Variants in GNG2 observed in about 807,000 individuals in gnomAD.
The protein encoded by GNG2 is G protein subunit gamma 2.
Under a neutral mutation model 5.5 loss-of-function variants are expected in GNG2, and 5 were observed. The observed-to-expected ratio is 0.91, with a 90% CI of 0.48 to 1.92. The LOEUF (loss-of-function observed/expected upper bound fraction) is 1.92. Ranked by LOEUF, GNG2 falls within the 30% of genes most tolerant of loss-of-function variation. The pLI is 0.01. For synonymous variants in GNG2, 28 were observed against 32.0 expected (o/e 0.88, Z 0.42); for missense variants, 55 against 88.4 (o/e 0.62, Z 1.52).
chr14:51,944,850 T>C (rs1888548920), intron 2 of GNG2, among the ~76,000 whole-genome samples: 1 of 152,100 alleles, frequency 6.6e-6, no homozygotes, highest in African/African-American at 2.4e-5. Context: ...GAAAAGACAG[T>C]CCACAGAATA....
At chr14:51,913,673 G>A (rs2044480472) in intron 2 of GNG2, among the ~76,000 whole-genome samples, 1 of 152,188 alleles carries the variant, frequency 6.6e-6, no homozygotes, top group African/African-American at 2.4e-5. Flanking sequence ...TCTAGAGGTT[G>A]TATGGAGGAG....
intron 2 of GNG2, among the ~76,000 whole-genome samples, chr14:51,844,805 A>T (rs946108894): frequency 2.0e-5 from 3 of 152,122 alleles, no homozygotes; most frequent in Admixed American, 6.5e-5. Flanking sequence ...GGCTCACTGC[A>T]ACCTCTGCCT....
chr14:51,959,258 A>G (rs1889453553), intron 3 of GNG2, among the ~76,000 whole-genome samples: 1 of 152,122 alleles, frequency 6.6e-6, no homozygotes, highest in South Asian at 2.1e-4. Context: ...CCGATTATTT[A>G]TCTCAAACTC....
At position 51,969,424 on chromosome 14, in the gene GNG2, A is replaced by G. The variant is rs1890099872; in HGVS notation, c.*2737A>G. The G allele has an allele frequency of 6.6e-6, 1 of 152,202 alleles. No homozygotes were observed. Among genetic ancestry groups the G allele is most frequent in the Admixed American group, 6.6e-5 (1 of 15,266 alleles). The allele number at this position is 152,202 out of a possible 1,614,324, so 9.4% of individuals were successfully genotyped here. A position where few individuals can be genotyped will look rare whatever the true frequency, so the allele number is the denominator to read the frequency against. On this transcript the variant is annotated 3_prime_UTR_variant, in exon 4 of 4. Transcript: ENST00000556766. ...TGATCTATGTTTGATTTTGCTAATAATATTTGAAGGAGATTGCCTACCAAG... is the reference window on the plus strand; with the variant it reads ...TGATCTATGTTTGATTTTGCTAATAGTATTTGAAGGAGATTGCCTACCAAG...
chr14:51,861,290 C>A (rs1821315889), intron 1 of GNG2: 1 of 152,058 alleles, frequency 6.6e-6, no homozygotes, highest in Non-Finnish European at 1.5e-5. Flanking sequence ...GCTTGAATTG[C>A]GTATGTGAGG....
At chr14:51,859,039 G>T (rs1218535814), upstream of GNG2, among the ~76,000 whole-genome samples, 1 of 152,164 alleles carries the variant, frequency 6.6e-6, no homozygotes, top group East Asian at 1.9e-4. Flanking sequence ...CGATGTGTTT[G>T]GAAGGCTCAA....
chr14:51,933,636 G>C (rs1338389235), intron 2 of GNG2, among the ~76,000 whole-genome samples: 2 of 152,172 alleles, frequency 1.3e-5, no homozygotes, highest in African/African-American at 4.8e-5. Context: ...GAGTCCTTTG[G>C]TGAGTGAAAG....
intron 2 of GNG2, among the ~76,000 whole-genome samples, chr14:51,832,137 G>A (rs546250191): frequency 6.4e-4 from 89 of 139,884 alleles, no homozygotes; most frequent in Non-Finnish European, 1.1e-3. Context: ...AAAATTAGTC[G>A]GGCATGGTGG....
At chr14:51,963,390 G>A (rs936062895) in intron 3 of GNG2, among the ~76,000 whole-genome samples, 25 of 152,202 alleles carry the variant, frequency 1.6e-4, no homozygotes, top group Admixed American at 1.0e-3. Context: ...GCTTCTCCTC[G>A]TAACAAATGA....
At chr14:51,931,854 C>G (rs2140245766) in intron 2 of GNG2, among the ~76,000 whole-genome samples, 1 of 152,248 alleles carries the variant, frequency 6.6e-6, no homozygotes, top group Non-Finnish European at 1.5e-5. Flanking sequence ...GAATTGAAAG[C>G]AGGATCTCAA....
In GNG2 at chr14:51,922,516, A is replaced by G. The variant is rs1020389511; in HGVS notation, c.-29-28134A>G. On this transcript the variant is annotated intron_variant, in intron 2 of 3. Transcript: ENST00000556766. ...CTCCCCTCTTAGCCCTGACAACCACACCCTGACCCCTACCCCTACCAGAGG... is the reference window on the plus strand; with the variant it reads ...CTCCCCTCTTAGCCCTGACAACCACGCCCTGACCCCTACCCCTACCAGAGG... Among the ~76,000 whole-genome samples the G allele has an allele frequency of 4.6e-5, 7 of 152,212 alleles. No individual in the cohort carries two copies. The East Asian group carries it at 1.2e-3, about 25-fold the overall frequency.
chr14:51,969,492 C>T lies in GNG2; in HGVS notation c.*2805C>T, dbSNP rs1321567090. On this transcript the variant is annotated 3_prime_UTR_variant, in exon 4 of 4. Coordinates refer to ENST00000556766, the MANE Select transcript of GNG2 (RefSeq NM_053064.5). ...AAAAATCAAACGATTTCTCCATACG[C>T]TCATAGTCACATATGGAATTTTGAG... is the stretch of plus-strand genomic sequence containing the variant. 6.6e-6 allele frequency: 1 copy of T among 152,202 alleles called. No individual in the cohort carries two copies. Among genetic ancestry groups the T allele is most frequent in the Non-Finnish European group, 1.5e-5 (1 of 68,040 alleles). 9.4% of individuals were successfully genotyped at this position (152,202 alleles called of 1,614,324 possible).
At chr14:51,921,692 G>C (rs1887023256) in intron 2 of GNG2, among the ~76,000 whole-genome samples, 8 of 152,310 alleles carry the variant, frequency 5.3e-5, no homozygotes, top group Middle Eastern at 6.8e-3. Context: ...GGACAACAAA[G>C]CAGGAGAAAT....
chr14:51,883,132 A>T (rs1884214498), intron 2 of GNG2, among the ~76,000 whole-genome samples: 1 of 152,222 alleles, frequency 6.6e-6, no homozygotes, highest in Non-Finnish European at 1.5e-5. Flanking sequence ...AGTCTCCTTA[A>T]GACATCCCCA....
intron 2 of GNG2, among the ~76,000 whole-genome samples, chr14:51,940,724 G>A (rs1888270991): frequency 6.6e-6 from 1 of 152,138 alleles, no homozygotes. Context: ...TTTAAAATCT[G>A]CTTAGTGACT....
rs1389830099 is a variant in GNG2, at chr14:51,919,750, G to C, written c.-29-30900G>C. 3.9e-5 allele frequency among the ~76,000 whole-genome samples: 6 copies of C among 152,292 alleles called. No individual in the cohort carries two copies. In the East Asian group the frequency reaches 1.2e-3, roughly 29 times the overall value. The stretch of plus-strand genomic sequence containing the variant: ...GGTCCAGTAACTGAATAAAGATAAT[G>C]AGCACTGAACAACAGATGTTTATCA... On this transcript the variant is annotated intron_variant, in intron 2 of 3. Coordinates refer to ENST00000556766, the MANE Select transcript of GNG2 (RefSeq NM_053064.5).
At chr14:51,963,952 T>C (rs550509673) in intron 3 of GNG2, among the ~76,000 whole-genome samples, 1 of 152,356 alleles carries the variant, frequency 6.6e-6, no homozygotes, top group Admixed American at 6.5e-5. Context: ...GGTTGACTAG[T>C]GTCCCCTAAA....
At chr14:51,879,154 T>C (rs10498438) in intron 2 of GNG2, among the ~76,000 whole-genome samples, 29,166 of 152,250 alleles carry the variant, frequency 0.19, 4,971 homozygotes, top group African/African-American at 0.45. Context: ...ATTCCACTCA[T>C]CTAAAAGCAT....
intron 2 of GNG2, among the ~76,000 whole-genome samples, chr14:51,943,559 T>G (rs1390562171): frequency 6.6e-6 from 1 of 152,226 alleles, no homozygotes; most frequent in Non-Finnish European, 1.5e-5. Context: ...TCAAGAAGAC[T>G]TCTTTTTGTA....
Sources: allele counts gnomAD v4.1 joint callset (sites outside exome capture counted in the v4.1 genomes callset), GRCh38; gene constraint gnomAD v4.1.1; transcripts MANE v1.5; gene names NCBI Gene and HGNC (gene_info 2026-07-23, HGNC 2026-07-21).